CHST11: variants seen among roughly 807,000 people sequenced by gnomAD.
CHST11 encodes the protein carbohydrate sulfotransferase 11.
A neutral mutation model predicts 30.4 loss-of-function variants in CHST11; 9 were observed. The observed-to-expected ratio is 0.30, with a 90% confidence interval of 0.18 to 0.52. The LOEUF is 0.52. Among genes scored for constraint, CHST11 ranks in the 20% least tolerant of loss-of-function variants. The pLI is 0.97. For missense variants in CHST11, 348 were observed against 460.6 expected (o/e 0.76, Z 2.24); for synonymous variants, 152 against 187.8 (o/e 0.81, Z 1.56).
At chr12:104,490,255 G>A (rs763705428) in intron 1 of CHST11, among the ~76,000 whole-genome samples, 16 of 152,142 alleles carry the variant, frequency 1.1e-4, no homozygotes, top group East Asian at 1.9e-4. Flanking sequence ...GCCCTCATTC[G>A]TTATACTAAC....
intron 1 of CHST11, among the ~76,000 whole-genome samples, chr12:104,518,021 G>A (rs2038042124): frequency 6.6e-6 from 1 of 152,080 alleles, no homozygotes; most frequent in African/African-American, 2.4e-5. Flanking sequence ...TCCAGAAATG[G>A]TGGCTCACGC....
At chr12:104,516,224 C>T (rs1296184418) in intron 1 of CHST11, among the ~76,000 whole-genome samples, 1 of 152,160 alleles carries the variant, frequency 6.6e-6, no homozygotes, top group Non-Finnish European at 1.5e-5. Context: ...TGTCTCCAAA[C>T]AATGTCATAT....
At chr12:104,727,399 A>T (rs1250669069) in intron 2 of CHST11, among the ~76,000 whole-genome samples, 2 of 152,226 alleles carry the variant, frequency 1.3e-5, no homozygotes, top group African/African-American at 4.8e-5. Flanking sequence ...AGTTACACCA[A>T]TGCAAACAGA....
intron 1 of CHST11, among the ~76,000 whole-genome samples, chr12:104,573,691 C>A (rs1258111802): frequency 2.0e-5 from 3 of 152,172 alleles, no homozygotes; most frequent in African/African-American, 4.8e-5. Flanking sequence ...CTTCCTTACA[C>A]CTTATACAAA....
At chr12:104,700,880 G>A (rs753357878) in intron 2 of CHST11, among the ~76,000 whole-genome samples, 12 of 152,270 alleles carry the variant, frequency 7.9e-5, no homozygotes, top group African/African-American at 2.2e-4. Flanking sequence ...GGAGGCTGAC[G>A]CAGGTGGATC....
At chr12:104,750,428 CTTTTTTTTTT>C (rs10659007) in intron 2 of CHST11, among the ~76,000 whole-genome samples, 656 of 48,838 alleles carry the variant, frequency 0.013, 10 homozygotes, top group African/African-American at 0.049. Context: ...TATTTCTGCA[CTTTTTTTTTT>C]TTTTTTTTTT....
At chr12:104,500,797 A>C (rs1188104945) in intron 1 of CHST11, among the ~76,000 whole-genome samples, 1 of 152,186 alleles carries the variant, frequency 6.6e-6, no homozygotes, top group Admixed American at 6.5e-5. Flanking sequence ...CTTTCAGTGC[A>C]TCTGATTCTG....
At chr12:104,623,387 G>A (rs901524548) in intron 2 of CHST11, among the ~76,000 whole-genome samples, 7 of 152,194 alleles carry the variant, frequency 4.6e-5, no homozygotes, top group East Asian at 1.9e-4. Flanking sequence ...GCTGATGTAC[G>A]GTCGAGGTCC....
At chr12:104,534,080 C>G (rs1340073115) in intron 1 of CHST11, among the ~76,000 whole-genome samples, 1 of 152,104 alleles carries the variant, frequency 6.6e-6, no homozygotes, top group Non-Finnish European at 1.5e-5. Context: ...TTTTCTTAAG[C>G]CTTTGGCAAG....
chr12:104,465,588 G>A (rs891099049), intron 1 of CHST11, among the ~76,000 whole-genome samples: 1 of 152,168 alleles, frequency 6.6e-6, no homozygotes, highest in African/African-American at 2.4e-5. Context: ...GCAAGGCATG[G>A]ATTCTGTCAG....
At chr12:104,658,840 A>G (rs1415853634) in intron 2 of CHST11, among the ~76,000 whole-genome samples, 1 of 152,226 alleles carries the variant, frequency 6.6e-6, no homozygotes, top group Non-Finnish European at 1.5e-5. Flanking sequence ...GACCCTTGAA[A>G]TAGGCTCTAT....
At chr12:104,738,879 C>T (rs1258044436) in intron 2 of CHST11, among the ~76,000 whole-genome samples, 1 of 152,268 alleles carries the variant, frequency 6.6e-6, no homozygotes, top group Non-Finnish European at 1.5e-5. Context: ...TGGGCTCCCC[C>T]AGCGCCTCAG....
intron 2 of CHST11, among the ~76,000 whole-genome samples, chr12:104,639,294 C>A (rs970762888): frequency 2.6e-5 from 4 of 152,150 alleles, no homozygotes; most frequent in South Asian, 2.1e-4. Flanking sequence ...ACTTTAACAC[C>A]ACTGGTCACA....
At chr12:104,482,903 T>C (rs1283228664) in intron 1 of CHST11, among the ~76,000 whole-genome samples, 9 of 152,166 alleles carry the variant, frequency 5.9e-5, no homozygotes, top group Non-Finnish European at 1.3e-4. Flanking sequence ...TGCTTACTTT[T>C]TGGAACAGAT....
intron 1 of CHST11, among the ~76,000 whole-genome samples, chr12:104,594,581 C>G (rs898098528): frequency 6.6e-6 from 1 of 152,088 alleles, no homozygotes; most frequent in South Asian, 2.1e-4. Flanking sequence ...GCTTTTTCTT[C>G]TCTTTCCTCC....
chr12:104,692,900 A>C (rs1175202980), intron 2 of CHST11, among the ~76,000 whole-genome samples: 2 of 150,976 alleles, frequency 1.3e-5, no homozygotes, highest in Non-Finnish European at 2.9e-5. Flanking sequence ...ACAAAAAAAA[A>C]ACTGTCTTCC....
rs903247 is a variant in CHST11 at position 104,759,792 on chromosome 12, C to T, written c.*1989C>T. 0.61 allele frequency: 93,064 copies of T among 151,920 alleles called. 28,954 individuals carry two copies. The highest frequency in any genetic ancestry group is 0.69 in the Middle Eastern group (203 of 294). 9.4% of individuals were successfully genotyped at this position (151,920 alleles called of 1,614,324 possible). A position where few individuals can be genotyped will look rare whatever the true frequency, so the allele number is the denominator to read the frequency against. On this transcript the variant is annotated 3_prime_UTR_variant, in exon 3 of 3. Transcript: ENST00000303694. Reference sequence around the variant, plus strand: ...TATACCCTTGATGGATGGAGATTTACGCAATGTGTTTTACTGGGTAGAGTG... The same window carrying T: ...TATACCCTTGATGGATGGAGATTTATGCAATGTGTTTTACTGGGTAGAGTG...
chr12:104,689,382 A>G lies in CHST11; in HGVS notation c.205-67567A>G, dbSNP rs564254632. Among the ~76,000 whole-genome samples the G allele has an allele frequency of 2.8e-4, 43 of 152,366 alleles. No homozygotes were observed. In the South Asian group the frequency reaches 5.6e-3, roughly 20 times the overall value. On this transcript the variant is annotated intron_variant, in intron 2 of 2. Coordinates refer to ENST00000303694, the MANE Select transcript of CHST11 (RefSeq NM_018413.6). ...ATGGCTGTTCTATCCCATAGCAGGC[A>G]GACGCCTGAGACCCTCGTTTGTGTG...
At chr12:104,719,830 G>T (rs749989089) in intron 2 of CHST11, among the ~76,000 whole-genome samples, 1 of 152,168 alleles carries the variant, frequency 6.6e-6, no homozygotes, top group Non-Finnish European at 1.5e-5. Context: ...ACAGTTACAG[G>T]CACCACTGTC....
Sources: gnomAD v4.1 joint callset for allele counts (sites outside exome capture counted in the v4.1 genomes callset) on GRCh38, gnomAD v4.1.1 for gene constraint, MANE v1.5 for transcripts, NCBI Gene and HGNC (gene_info 2026-07-23, HGNC 2026-07-21) for gene names.